The following GFOD1 variants were observed in gnomAD, a reference collection of about 807,000 sequenced individuals.
GFOD1 encodes Gfo/Idh/MocA-like oxidoreductase domain containing 1.
GFOD1 carries 9 observed loss-of-function variants against 25.4 expected under a neutral mutation model. That is an observed-to-expected ratio of 0.35 (90% CI 0.21 to 0.62). The LOEUF (loss-of-function observed/expected upper bound fraction) is 0.62. Among genes scored for constraint, GFOD1 ranks in the 20% least tolerant of loss-of-function variants. GFOD1 has a pLI of 0.72. For synonymous variants in GFOD1, 253 were observed against 245.6 expected (o/e 1.03, Z -0.28); for missense variants, 403 against 556.9 (o/e 0.72, Z 2.78).
At chr6:13,370,183 T>G (rs1785122454) in intron 1 of GFOD1, among the ~76,000 whole-genome samples, 1 of 152,236 alleles carries the variant, frequency 6.6e-6, no homozygotes, top group African/African-American at 2.4e-5. Context: ...ACCCTGAATC[T>G]TGAAAGCTTC....
Position 13,365,754 on chromosome 6 carries a change from G to A in GFOD1, c.254-92C>T. Reference sequence around the variant, plus strand: ...GATCTTAAAATATTTCACATTAATAGAAAAAGAAGGTCAGATGTGGTGGCT... The same window carrying A: ...GATCTTAAAATATTTCACATTAATAAAAAAAGAAGGTCAGATGTGGTGGCT... On this transcript the variant is annotated intron_variant, in intron 1 of 1. Transcript: ENST00000379287. This position sits in a 1 kb window ranked among gnomAD's most constrained non-coding sequence, Gnocchi z 9.2. The A allele has an allele frequency of 1.0e-6, 1 of 984,742 alleles. No individual in the cohort carries two copies. Among genetic ancestry groups the A allele is most frequent in the South Asian group, 1.6e-5 (1 of 64,050 alleles). The allele number at this position is 984,742 out of a possible 1,614,324, so 61.0% of individuals were successfully genotyped here. A position where few individuals can be genotyped will look rare whatever the true frequency, so the allele number is the denominator to read the frequency against.
chr6:13,383,756 T>C (rs1485418765), intron 1 of GFOD1, among the ~76,000 whole-genome samples: 2 of 152,184 alleles, frequency 1.3e-5, no homozygotes, highest in Non-Finnish European at 2.9e-5. Flanking sequence ...CCAACTAACA[T>C]CTAATAGGGA....
chr6:13,439,917 G>T (rs1221809759), intron 1 of GFOD1, among the ~76,000 whole-genome samples: 1 of 152,132 alleles, frequency 6.6e-6, no homozygotes, highest in African/African-American at 2.4e-5. Context: ...AATTTCACGG[G>T]CAATTCTAAT....
At position 13,360,111 on chromosome 6, in the gene GFOD1, G is replaced by A. The variant is rs1784925288; in HGVS notation, c.*4632C>T. ...CTAGAGCTCTGGAGGTGCTATGTGAGGCAGCATGAGACTTAAGAGGCAGAA... is the reference window on the plus strand; with the variant it reads ...CTAGAGCTCTGGAGGTGCTATGTGAAGCAGCATGAGACTTAAGAGGCAGAA... On this transcript the variant is annotated 3_prime_UTR_variant, in exon 2 of 2. Coordinates refer to ENST00000379287, the MANE Select transcript of GFOD1 (RefSeq NM_018988.4). 1 of 153,838 alleles carries A rather than the reference G, an allele frequency of 6.5e-6. No individual in the cohort carries two copies. Among genetic ancestry groups the A allele is most frequent in the Non-Finnish European group, 1.4e-5 (1 of 69,246 alleles). The allele number at this position is 153,838 out of a possible 1,614,324, so 9.5% of individuals were successfully genotyped here. A position where few individuals can be genotyped will look rare whatever the true frequency, so the allele number is the denominator to read the frequency against.
At chr6:13,372,391 C>T (rs888827050) in intron 1 of GFOD1, among the ~76,000 whole-genome samples, 1 of 152,206 alleles carries the variant, frequency 6.6e-6, no homozygotes, top group Admixed American at 6.5e-5. Context: ...ATTCATGGCC[C>T]TCCTGAGAAA....
chr6:13,463,648 A>G (rs553673692), intron 1 of GFOD1, among the ~76,000 whole-genome samples: 2 of 152,330 alleles, frequency 1.3e-5, no homozygotes, highest in African/African-American at 4.8e-5. Flanking sequence ...TAATGAAATG[A>G]AAGAAAGAAA....
chr6:13,417,995 CA>C (rs1249654590), intron 1 of GFOD1, among the ~76,000 whole-genome samples: 2 of 152,100 alleles, frequency 1.3e-5, no homozygotes, highest in Non-Finnish European at 2.9e-5. Context: ...AGTGAGAAAA[CA>C]AAAACAAAGT....
intron 1 of GFOD1, among the ~76,000 whole-genome samples, chr6:13,480,613 T>A (rs1758726943): frequency 6.6e-6 from 1 of 152,128 alleles, no homozygotes; most frequent in Non-Finnish European, 1.5e-5. Flanking sequence ...CAGGTGATCC[T>A]CCCACCTCAG....
At chr6:13,470,573 A>ATT in intron 1 of GFOD1, 1 of 1,497,748 alleles carries the variant, frequency 6.7e-7, no homozygotes, top group South Asian at 1.3e-5. Flanking sequence ...ACCACGTGGC[A>ATT]TTTTTTTTTC....
At chr6:13,434,451 T>C (rs1328587900) in intron 1 of GFOD1, among the ~76,000 whole-genome samples, 5 of 150,652 alleles carry the variant, frequency 3.3e-5, no homozygotes, top group African/African-American at 9.8e-5. Context: ...CAGGGCCTTA[T>C]GGGAACACAG....
rs144085018 is a variant in GFOD1 at position 13,364,809 on chromosome 6, C to T, written c.1107G>A (p.Pro369=). The T allele has an allele frequency of 1.7e-5, 28 of 1,614,004 alleles. No individual in the cohort carries two copies. Among genetic ancestry groups the T allele is most frequent in the Middle Eastern group, 3.3e-4 (2 of 6,062 alleles). Residue 369 remains proline (P), a synonymous_variant, in exon 2 of 2, where the codon CCG becomes CCA. Transcript: ENST00000379287. This position sits in a 1 kb window ranked among gnomAD's most constrained non-coding sequence, Gnocchi z 4.1. The part of the protein sequence containing the change: ...WQNIAIMTEE[P]ELSPAYLISE... ...TGATCAGGTAGGCGGGGCTCAGCTC[C>T]GGCTCCTCGGTCATGATGGCAATGT...
At chr6:13,450,904 A>C (rs1311282120) in intron 1 of GFOD1, among the ~76,000 whole-genome samples, 1 of 152,210 alleles carries the variant, frequency 6.6e-6, no homozygotes, top group African/African-American at 2.4e-5. Flanking sequence ...CCTTATAAGG[A>C]CAGCAGCCTA....
intron 1 of GFOD1, among the ~76,000 whole-genome samples, chr6:13,452,468 G>A (rs982198651): frequency 6.6e-6 from 1 of 152,186 alleles, no homozygotes; most frequent in Non-Finnish European, 1.5e-5. Flanking sequence ...GTAGCTCACA[G>A]TTCTGGAGTT....
At position 13,374,265 on chromosome 6, in the gene GFOD1, TTTTTTTTTTGTGTG is replaced by T. The variant is rs796701854; in HGVS notation, c.254-8617_254-8604del. On this transcript the variant is annotated intron_variant, in intron 1 of 1. Coordinates refer to ENST00000379287, the MANE Select transcript of GFOD1 (RefSeq NM_018988.4). ...CCAGCCTAGTCTTTTTAAAAATATG[TTTTTTTTTTGTGTG>T]TGTGTGTGTGTGTGTGTGTGTGTGT... Among the ~76,000 whole-genome samples the T allele has an allele frequency of 1.8e-3, 213 of 116,512 alleles. 4 individuals are homozygous for T. In the East Asian group the frequency reaches 0.068, roughly 37 times the overall value. The allele number at this position is 116,512 out of a possible 152,430, so 76.4% of individuals were successfully genotyped here.
In GFOD1 at chr6:13,374,264, G is replaced by GTTTT. The variant is rs113077397; in HGVS notation, c.254-8606_254-8603dup. ...GCCAGCCTAGTCTTTTTAAAAATAT[G>GTTTT]TTTTTTTTTTGTGTGTGTGTGTGTG... On this transcript the variant is annotated intron_variant, in intron 1 of 1. Transcript: ENST00000379287. 7.8e-3 allele frequency among the ~76,000 whole-genome samples: 984 copies of GTTTT among 126,122 alleles called. 18 individuals carry two copies. The highest frequency in any genetic ancestry group is 0.026 in the African/African-American group (932 of 36,092). 82.7% of individuals were successfully genotyped at this position (126,122 alleles called of 152,430 possible). A position where few individuals can be genotyped will look rare whatever the true frequency, so the allele number is the denominator to read the frequency against.
intron 1 of GFOD1, among the ~76,000 whole-genome samples, chr6:13,366,634 A>T (rs1193817870): frequency 1.4e-5 from 2 of 144,196 alleles, no homozygotes; most frequent in Non-Finnish European, 3.0e-5. Flanking sequence ...GCGCCCAGCC[A>T]TTTTTTTTTT....
rs182789086 is a variant in GFOD1 at position 13,370,459 on chromosome 6, G to A, written c.254-4797C>T. Among the ~76,000 whole-genome samples the A allele has an allele frequency of 1.6e-3, 241 of 151,942 alleles. 2 individuals are homozygous for A. Among genetic ancestry groups the A allele is most frequent in the Admixed American group, 0.015 (222 of 15,260 alleles). On this transcript the variant is annotated intron_variant, in intron 1 of 1. Coordinates refer to ENST00000379287, the MANE Select transcript of GFOD1 (RefSeq NM_018988.4). ...TCCAGTTCCAAAAGGAACCCAAAACGCAGAGCCAGCAGACCCTTCACGAAT... is the reference window on the plus strand; with the variant it reads ...TCCAGTTCCAAAAGGAACCCAAAACACAGAGCCAGCAGACCCTTCACGAAT...
chr6:13,486,254 C>CT, intron 1 of GFOD1: 1 of 308,522 alleles, frequency 3.2e-6, no homozygotes. Flanking sequence ...CCATCCCCCC[C>CT]CCCCACACAC....
intron 1 of GFOD1, among the ~76,000 whole-genome samples, chr6:13,409,172 A>AAAGAAAGGAAGGAAAGAAAGAAAG (rs1554201904): frequency 1.9e-5 from 1 of 53,192 alleles, no homozygotes; most frequent in African/African-American, 5.7e-5. Flanking sequence ...GAAAGGAAAG[A>AAAGAAAGGAAGGAAAGAAAGAAAG]GAGAGAGAGA....
Sources: gnomAD v4.1 joint callset for allele counts (sites outside exome capture counted in the v4.1 genomes callset) on GRCh38, gnomAD v4.1.1 for gene constraint, Gnocchi (gnomAD v3.1) non-coding constraint, MANE v1.5 for transcripts, NCBI Gene and HGNC (gene_info 2026-07-23, HGNC 2026-07-21) for gene names.